ITGA2: variants seen among roughly 807,000 people sequenced by gnomAD.
The protein encoded by ITGA2 is integrin subunit alpha 2, also known as integrin alpha-2.
In ITGA2, 101 loss-of-function variants were observed where a neutral mutation model predicts 146.3. The ratio of observed to expected loss-of-function variants is 0.69; its 90% confidence interval spans 0.59 to 0.81. The LOEUF is 0.81. Ranked by LOEUF, ITGA2 falls within the 40% of genes least tolerant of loss-of-function variation. ITGA2 has a pLI of 0.00. For missense variants in ITGA2, 1,281 were observed against 1,402.7 expected (o/e 0.91, Z 1.39); for synonymous variants, 477 against 487.1 (o/e 0.98, Z 0.27).
chr5:53,074,170 G>A (rs1186340431), intron 20 of ITGA2, among the ~76,000 whole-genome samples: 1 of 151,812 alleles, frequency 6.6e-6, no homozygotes, highest in Non-Finnish European at 1.5e-5. Context: ...TCTTTGTTTT[G>A]TTGGATGTTC....
chr5:53,063,074 C>A, intron 13 of ITGA2, 145 bp downstream of exon 13: 1 of 709,352 alleles, frequency 1.4e-6, no homozygotes, highest in South Asian at 1.9e-5. Context: ...AGGATGTCCC[C>A]ATTAAGTTAT....
chr5:52,994,526 T>G (rs145141743), intron 1 of ITGA2, among the ~76,000 whole-genome samples: 28 of 152,340 alleles, frequency 1.8e-4, no homozygotes, highest in African/African-American at 6.3e-4. Flanking sequence ...CTAAGAGAGA[T>G]ATTTGTTAAA....
At chr5:53,028,634 T>G (rs1405052225) in intron 2 of ITGA2, among the ~76,000 whole-genome samples, 1 of 152,150 alleles carries the variant, frequency 6.6e-6, no homozygotes, top group Non-Finnish European at 1.5e-5. Flanking sequence ...ACTGCTATAT[T>G]AAACAATTCA....
chr5:53,081,838 T>C, intron 26 of ITGA2, 142 bp downstream of exon 26: 2 of 645,548 alleles, frequency 3.1e-6, no homozygotes, highest in South Asian at 4.0e-5. Flanking sequence ...ATTTAGAAAA[T>C]ATTAGGTTGG....
In ITGA2 at chr5:52,989,539, G is replaced by C. The variant is rs1248502014; in HGVS notation, c.64+7G>C. The stretch of plus-strand genomic sequence containing the variant: ...GTGTTAGCGCTCAGTCAAGGTAAGC[G>C]GGGATTTCGCTCTGCATCGGCTGCA... On this transcript the variant is annotated splice_region_variant and intron_variant, in intron 1 of 29. Transcript: ENST00000296585. The C allele has an allele frequency of 6.2e-7, 1 of 1,613,936 alleles. No individual in the cohort carries two copies. The highest frequency in any genetic ancestry group is 8.5e-7 in the Non-Finnish European group (1 of 1,179,972).
intron 1 of ITGA2, among the ~76,000 whole-genome samples, chr5:53,001,478 A>G (rs945963044): frequency 1.3e-5 from 2 of 152,044 alleles, no homozygotes; most frequent in African/African-American, 4.8e-5. Flanking sequence ...TTTATCAGAT[A>G]CCCCACTTTT....
rs1277164526 is a variant in ITGA2, at chr5:53,070,258, C to G, written c.2233C>G (p.Gln745Glu). 6.2e-7 allele frequency: 1 copy of G among 1,611,466 alleles called. No homozygotes were observed. The highest frequency in any genetic ancestry group is 1.7e-5 in the Admixed American group (1 of 59,826). ...QSCPEHIIYI[Q>E]EPSDVVNSLD... ...TTGCCCCGAGCACATCATTTATATA[C>G]AGGTAAGGCCTCAGGAACATCCCTT... The change falls in exon 17 of 30, where the codon CAG (glutamine) becomes GAG (glutamate). Residue 745 changes from glutamine to glutamate, a missense_variant and splice_region_variant. Around this residue, in one of 3 missense-constraint regions of ITGA2, gnomAD observed 475 missense variants for 530.5 expected, o/e 0.90. Transcript: ENST00000296585.
chr5:53,030,368 G>T (rs1047707817), intron 2 of ITGA2, among the ~76,000 whole-genome samples: 1 of 152,148 alleles, frequency 6.6e-6, no homozygotes, highest in African/African-American at 2.4e-5. Context: ...GGGAAGCAAG[G>T]CACCACTCTA....
intron 1 of ITGA2, among the ~76,000 whole-genome samples, chr5:53,022,812 T>C (rs1742753185): frequency 6.6e-6 from 1 of 152,198 alleles, no homozygotes; most frequent in Admixed American, 6.5e-5. Context: ...GCTATCCTCC[T>C]GCCTCAGACT....
chr5:53,026,889 A>G (rs763021482), intron 2 of ITGA2, 21 bp downstream of exon 2: 1 of 1,601,918 alleles, frequency 6.2e-7, no homozygotes, highest in South Asian at 1.1e-5. Context: ...TCTCTTCTTT[A>G]TGATTTCAGT....
Position 53,075,239 on chromosome 5 carries a change from C to G in ITGA2, c.2760C>G (p.Asn920Lys). The G allele has an allele frequency of 6.2e-7, 1 of 1,612,492 alleles. No individual in the cohort carries two copies. The highest frequency in any genetic ancestry group is 8.5e-7 in the Non-Finnish European group (1 of 1,179,142). Residue 920 changes from asparagine (N) to lysine (K), a missense_variant, in exon 23 of 30, where the codon AAC (asparagine) becomes AAG (lysine). By Grantham distance (94) the Asn-to-Lys change is moderately conservative. Coordinates refer to ENST00000296585, the MANE Select transcript of ITGA2 (RefSeq NM_002203.4). ...FQALSESQEE[N>K]KADNLVNLKI... Reference sequence around the variant, plus strand: ...TCTATAGTGAAAGCCAAGAAGAAAACAAGGCTGATAATTTGGTCAACCTCA... The same window carrying G: ...TCTATAGTGAAAGCCAAGAAGAAAAGAAGGCTGATAATTTGGTCAACCTCA...
At chr5:53,063,873 A>G (rs992943459) in intron 13 of ITGA2, among the ~76,000 whole-genome samples, 3 of 151,912 alleles carry the variant, frequency 2.0e-5, no homozygotes, top group African/African-American at 7.2e-5. Flanking sequence ...TGTGAGATAT[A>G]CTGAATTATC....
chr5:53,041,565 A>C (rs1435553186), intron 2 of ITGA2, among the ~76,000 whole-genome samples: 4 of 152,162 alleles, frequency 2.6e-5, no homozygotes, highest in Non-Finnish European at 5.9e-5. Context: ...TTCATTCTTT[A>C]GAGCTGTGCT....
At chr5:53,053,129 C>T (rs1056531786) in intron 7 of ITGA2, among the ~76,000 whole-genome samples, 2 of 152,114 alleles carry the variant, frequency 1.3e-5, no homozygotes, top group African/African-American at 4.8e-5. Context: ...TCCACTCTTC[C>T]TTATGTCACA....
rs1040608706 is a variant in ITGA2 at position 53,072,488 on chromosome 5, A to G, written c.2347-125A>G. 4.3e-6 allele frequency: 3 copies of G among 704,252 alleles called. No individual in the cohort carries two copies. The South Asian group carries it at 4.8e-5, about 11-fold the overall frequency. The allele number at this position is 704,252 out of a possible 1,614,324, so 43.6% of individuals were successfully genotyped here. A position where few individuals can be genotyped will look rare whatever the true frequency, so the allele number is the denominator to read the frequency against. On this transcript the variant is annotated intron_variant, in intron 18 of 29. Coordinates refer to ENST00000296585, the MANE Select transcript of ITGA2 (RefSeq NM_002203.4). ...TTCTTTATTATTTTGTTAAACATTT[A>G]TATATTCCTAGAACATTGTTTGGTT...
At chr5:53,060,287 A>G (rs1436884663) in intron 11 of ITGA2, among the ~76,000 whole-genome samples, 2 of 151,936 alleles carry the variant, frequency 1.3e-5, no homozygotes. Context: ...ATAGTTCCCA[A>G]AAGTCAATAC....
In ITGA2 at chr5:53,073,119, G is replaced by T; in HGVS notation, c.2431G>T (p.Glu811Ter). ...CCCCCTCCTTTTTACTTTTAACAGA[G>T]AACAACCCTTTATTGTCAGCAACCA... ...LDVRQIPAAQ[E>*]QPFIVSNQNK... Residue 811 changes from glutamate to a stop codon, truncating the protein, a stop_gained and splice_region_variant, in exon 20 of 30, where the codon GAA (glutamate) becomes TAA (stop). Coordinates refer to ENST00000296585, the MANE Select transcript of ITGA2 (RefSeq NM_002203.4). LOFTEE classifies it high-confidence loss of function. The T allele has an allele frequency of 1.2e-6, 2 of 1,611,592 alleles. No homozygotes were observed. Among genetic ancestry groups the T allele is most frequent in the South Asian group, 2.2e-5 (2 of 90,984 alleles).
At chr5:53,045,323 C>T (rs1446042849) in intron 4 of ITGA2, among the ~76,000 whole-genome samples, 1 of 152,144 alleles carries the variant, frequency 6.6e-6, no homozygotes, top group Non-Finnish European at 1.5e-5. Context: ...GAAAAGGGAA[C>T]AAAAAGAACC....
At chr5:53,016,447 A>G (rs1742403180) in intron 1 of ITGA2, among the ~76,000 whole-genome samples, 1 of 152,156 alleles carries the variant, frequency 6.6e-6, no homozygotes, top group African/African-American at 2.4e-5. Context: ...TTCTGCTTAT[A>G]AGGTTCGTTG....
Sources: allele counts gnomAD v4.1 joint callset (sites outside exome capture counted in the v4.1 genomes callset), GRCh38; gene constraint gnomAD v4.1.1; regional missense constraint gnomAD v4.1.1; transcripts MANE v1.5; gene names NCBI Gene and HGNC (gene_info 2026-07-23, HGNC 2026-07-21).